The following TMEM230 variants were observed in gnomAD, a reference collection of about 807,000 sequenced individuals.
The protein encoded by TMEM230 is UPF0414 transmembrane protein C20orf30.
TMEM230 carries 10 observed loss-of-function variants against 15.8 expected under a neutral mutation model. That is an observed-to-expected ratio of 0.63 (90% CI 0.39 to 1.07). The LOEUF is 1.07. Ranked by LOEUF, TMEM230 falls within the 50% of genes least tolerant of loss-of-function variation. The pLI is 0.01. For synonymous variants in TMEM230, 67 were observed against 76.9 expected (o/e 0.87, Z 0.68); for missense variants, 165 against 193.3 (o/e 0.85, Z 0.87).
intron 3 of TMEM230, among the ~76,000 whole-genome samples, chr20:5,083,011 T>A (rs2089228764): frequency 6.7e-6 from 1 of 148,844 alleles, no homozygotes; most frequent in Non-Finnish European, 1.5e-5. Flanking sequence ...CATTGCAACC[T>A]CCACCTCCCG....
rs2089817674 is a variant in TMEM230 at position 5,100,706 on chromosome 20, C to T, written c.*85G>A. ...TTAAACATCTGCAAGCTGCAGAATT[C>T]CTTAGTCCTCAGCTATAGTTTCTGC... On this transcript the variant is annotated 3_prime_UTR_variant, in exon 5 of 5. Transcript: ENST00000342308. The T allele has an allele frequency of 6.5e-7, 1 of 1,538,452 alleles. No homozygotes were observed. Among genetic ancestry groups the T allele is most frequent in the African/African-American group, 1.4e-5 (1 of 72,394 alleles).
intron 2 of TMEM230, among the ~76,000 whole-genome samples, chr20:5,109,864 G>A (rs1004062990): frequency 3.9e-5 from 6 of 152,188 alleles, no homozygotes; most frequent in East Asian, 1.9e-4. Context: ...CCCTGCTCCC[G>A]CTCTTAAGAA....
chr20:5,063,965 T>C (rs536317952), downstream of TMEM230, among the ~76,000 whole-genome samples: 1 of 152,112 alleles, frequency 6.6e-6, no homozygotes, highest in East Asian at 1.9e-4. Flanking sequence ...GGCTCACAGA[T>C]AACGAAACAA....
At chr20:5,095,251 C>A (rs1217829564), downstream of TMEM230, among the ~76,000 whole-genome samples, 1 of 152,148 alleles carries the variant, frequency 6.6e-6, no homozygotes, top group African/African-American at 2.4e-5. Flanking sequence ...GGAGGCAAGC[C>A]AGCACCTCCA....
downstream of TMEM230, among the ~76,000 whole-genome samples, chr20:5,099,232 A>AAATCAATC (rs145559832): frequency 8.9e-5 from 7 of 78,994 alleles, no homozygotes; most frequent in South Asian, 3.6e-4. Context: ...ATAAATAAAT[A>AAATCAATC]AATCAATCAA....
At chr20:5,063,422 G>A (rs1315216332), downstream of TMEM230, among the ~76,000 whole-genome samples, 2 of 151,218 alleles carry the variant, frequency 1.3e-5, no homozygotes, top group Non-Finnish European at 2.9e-5. Flanking sequence ...TGAGTAGCTG[G>A]GATTACAGGG....
intron 3 of TMEM230, among the ~76,000 whole-genome samples, chr20:5,074,241 T>A (rs1276878828): frequency 6.6e-6 from 1 of 152,224 alleles, no homozygotes; most frequent in East Asian, 1.9e-4. Flanking sequence ...CTCCCATTTC[T>A]GCCTAAAAGC....
chr20:5,065,674 C>T (rs868334688), downstream of TMEM230, among the ~76,000 whole-genome samples: 9 of 152,274 alleles, frequency 5.9e-5, no homozygotes, highest in African/African-American at 4.8e-5. Flanking sequence ...CTGAGATAAC[C>T]GGGTTAAGGC....
downstream of TMEM230, among the ~76,000 whole-genome samples, chr20:5,095,588 T>G (rs1444033413): frequency 2.6e-5 from 4 of 152,156 alleles, no homozygotes; most frequent in African/African-American, 7.2e-5. Flanking sequence ...ACCCTCTAAG[T>G]GCCCCCACAC....
At chr20:5,067,734 C>A (rs2008016), downstream of TMEM230, among the ~76,000 whole-genome samples, 1 of 143,482 alleles carries the variant, frequency 7.0e-6, no homozygotes, top group African/African-American at 2.6e-5. Flanking sequence ...AGCCACCACA[C>A]CCGGCCTCCC....
intron 1 of TMEM230, 97 bp downstream of exon 1, chr20:5,112,863 AT>A: frequency 1.9e-6 from 3 of 1,547,116 alleles, no homozygotes; most frequent in Non-Finnish European, 2.6e-6. Flanking sequence ...CCCCACACGG[AT>A]GACTCGGAGC....
downstream of TMEM230, among the ~76,000 whole-genome samples, chr20:5,099,636 CT>C (rs1426365121): frequency 6.6e-5 from 10 of 152,158 alleles, no homozygotes; most frequent in Non-Finnish European, 1.0e-4. Flanking sequence ...TCCTCAACAG[CT>C]CCACTTGGAT....
At chr20:5,099,733 T>TG, downstream of TMEM230, 1 of 582,436 alleles carries the variant, frequency 1.7e-6, no homozygotes, top group Non-Finnish European at 2.2e-6. Flanking sequence ...CCCAAGTCCA[T>TG]AACCTCAGAG....
intron 4 of TMEM230, 76 bp downstream of exon 3, chr20:5,106,112 C>T (rs1281754149): frequency 1.2e-5 from 18 of 1,542,648 alleles, no homozygotes; most frequent in Admixed American, 1.9e-5. Context: ...CACACACACA[C>T]ACACACACGC....
At chr20:5,088,837 G>A (rs1350616345) in intron 3 of TMEM230, among the ~76,000 whole-genome samples, 2 of 152,160 alleles carry the variant, frequency 1.3e-5, no homozygotes, top group South Asian at 4.1e-4. Flanking sequence ...AATAACTGTA[G>A]AGGAGGCAAC....
chr20:5,086,941 AT>A (rs2089357024), intron 3 of TMEM230, among the ~76,000 whole-genome samples: 1 of 152,064 alleles, frequency 6.6e-6, no homozygotes, highest in Admixed American at 6.6e-5. Context: ...TGGTGTGACC[AT>A]GGCTCATTGG....
At chr20:5,064,219 A>G (rs1161650029), downstream of TMEM230, among the ~76,000 whole-genome samples, 2 of 151,936 alleles carry the variant, frequency 1.3e-5, no homozygotes, top group East Asian at 3.9e-4. Context: ...GTGTGCTGAG[A>G]TTGCACCACT....
chr20:5,081,340 C>T (rs1004432291), intron 3 of TMEM230, among the ~76,000 whole-genome samples: 9 of 152,284 alleles, frequency 5.9e-5, no homozygotes, highest in East Asian at 1.9e-4. Flanking sequence ...AAGCTGGAAT[C>T]GGAAGGGACC....
intron 3 of TMEM230, among the ~76,000 whole-genome samples, chr20:5,087,062 T>C (rs896312715): frequency 3.3e-5 from 5 of 152,036 alleles, no homozygotes; most frequent in African/African-American, 7.2e-5. Flanking sequence ...TTTGTAGAGA[T>C]GAGGTCTTGC....
Sources: allele counts gnomAD v4.1 joint callset (sites outside exome capture counted in the v4.1 genomes callset), GRCh38; gene constraint gnomAD v4.1.1; transcripts MANE v1.5; gene names NCBI Gene and HGNC (gene_info 2026-07-23, HGNC 2026-07-21).